Variants in PKP4 observed in about 807,000 individuals in gnomAD.
PKP4 encodes the protein plakophilin 4, also known as plakophilin-4.
PKP4 carries 90 observed loss-of-function variants against 145.1 expected under a neutral mutation model. That is an observed-to-expected ratio of 0.62 (90% confidence interval 0.52 to 0.74). The LOEUF is 0.74. Among genes scored for constraint, PKP4 ranks in the 30% least tolerant of loss-of-function variants. PKP4 has a pLI of 0.00. For missense variants in PKP4, 1,340 were observed against 1,482.7 expected (o/e 0.90, Z 1.58); for synonymous variants, 563 against 577.2 (o/e 0.98, Z 0.35).
At chr2:158,555,079 T>C (rs1418018388) in intron 2 of PKP4, among the ~76,000 whole-genome samples, 2 of 152,230 alleles carry the variant, frequency 1.3e-5, no homozygotes, top group East Asian at 1.9e-4. Context: ...TGAAATGATA[T>C]TTTCTAATTG....
intron 1 of PKP4, among the ~76,000 whole-genome samples, chr2:158,528,205 T>C (rs376876070): frequency 2.9e-5 from 4 of 139,888 alleles, no homozygotes; most frequent in South Asian, 2.3e-4. Flanking sequence ...TATTGCGGCA[T>C]TATTCACAAT....
chr2:158,517,903 G>A (rs1415253521), intron 1 of PKP4, among the ~76,000 whole-genome samples: 4 of 151,544 alleles, frequency 2.6e-5, no homozygotes, highest in Non-Finnish European at 4.4e-5. Context: ...GTGACAGAGC[G>A]AGACCCTGTC....
chr2:158,510,924 T>G (rs2041450709), intron 1 of PKP4, among the ~76,000 whole-genome samples: 1 of 152,244 alleles, frequency 6.6e-6, no homozygotes. Context: ...TCTCTACCAC[T>G]GCATCTGCTC....
intron 1 of PKP4, among the ~76,000 whole-genome samples, chr2:158,521,131 T>A (rs997128202): frequency 6.6e-6 from 1 of 152,214 alleles, no homozygotes; most frequent in Non-Finnish European, 1.5e-5. Flanking sequence ...AGTGTACATG[T>A]CATCAGCTGC....
intron 1 of PKP4, among the ~76,000 whole-genome samples, chr2:158,519,219 C>T (rs189233824): frequency 9.2e-5 from 14 of 151,756 alleles, no homozygotes; most frequent in Admixed American, 9.2e-4. Context: ...TTTAAAAATT[C>T]ATTTTGCTAT....
chr2:158,568,538 T>C (rs2047180564), intron 2 of PKP4, among the ~76,000 whole-genome samples: 1 of 152,142 alleles, frequency 6.6e-6, no homozygotes, highest in African/African-American at 2.4e-5. Flanking sequence ...CATTTAGGTG[T>C]AGCTACATAG....
chr2:158,467,680 T>TA (rs1690849206), intron 1 of PKP4, among the ~76,000 whole-genome samples: 1 of 151,810 alleles, frequency 6.6e-6, no homozygotes, highest in Non-Finnish European at 1.5e-5. Context: ...ACGCTGTCTC[T>TA]AAAAAAAATT....
At chr2:158,620,461 G>A (rs1306311960) in intron 4 of PKP4, among the ~76,000 whole-genome samples, 1 of 152,142 alleles carries the variant, frequency 6.6e-6, no homozygotes, top group Non-Finnish European at 1.5e-5. Context: ...AAAATAAGCA[G>A]GTGAACAAGA....
At chr2:158,497,971 A>T (rs888764868) in intron 1 of PKP4, among the ~76,000 whole-genome samples, 1 of 152,166 alleles carries the variant, frequency 6.6e-6, no homozygotes, top group Non-Finnish European at 1.5e-5. Flanking sequence ...TTTCGTAAGT[A>T]TGAGCTTAGA....
intron 1 of PKP4, among the ~76,000 whole-genome samples, chr2:158,532,453 A>G (rs1394016537): frequency 6.6e-6 from 1 of 152,254 alleles, no homozygotes; most frequent in African/African-American, 2.4e-5. Context: ...TGTACTCACT[A>G]GAAGACAGAG....
At chr2:158,564,713 T>C (rs968351556) in intron 2 of PKP4, among the ~76,000 whole-genome samples, 1 of 152,192 alleles carries the variant, frequency 6.6e-6, no homozygotes, top group African/African-American at 2.4e-5. Flanking sequence ...CTCATTGTTA[T>C]TTGATTTTCT....
intron 9 of PKP4, among the ~76,000 whole-genome samples, chr2:158,635,802 G>C (rs1323445190): frequency 3.3e-5 from 5 of 152,116 alleles, no homozygotes; most frequent in Non-Finnish European, 7.4e-5. Flanking sequence ...TGATTATTTG[G>C]TAGGTGCATT....
intron 3 of PKP4, among the ~76,000 whole-genome samples, chr2:158,592,898 G>A (rs576453457): frequency 1.3e-5 from 2 of 152,204 alleles, no homozygotes; most frequent in Admixed American, 6.5e-5. Context: ...GTATCCCAGC[G>A]TGTCTCTTAC....
chr2:158,466,578 G>T (rs1027981912), intron 1 of PKP4, among the ~76,000 whole-genome samples: 2 of 151,776 alleles, frequency 1.3e-5, no homozygotes, highest in African/African-American at 2.4e-5. Context: ...GGTGGCGGGC[G>T]CCTGTAGTCC....
chr2:158,482,827 C>CA (rs76335299), intron 1 of PKP4, among the ~76,000 whole-genome samples: 1,232 of 118,026 alleles, frequency 0.01, 11 homozygotes, highest in African/African-American at 0.032. Flanking sequence ...GACCTTGCTT[C>CA]AAAAAAAAAA....
chr2:158,607,479 A>G (rs2050752146), intron 4 of PKP4, among the ~76,000 whole-genome samples: 1 of 152,126 alleles, frequency 6.6e-6, no homozygotes, highest in Non-Finnish European at 1.5e-5. Flanking sequence ...CCAAGAGATA[A>G]TGATACCAGA....
At chr2:158,588,257 G>T (rs1032272210) in intron 3 of PKP4, 17 of 152,060 alleles carry the variant, frequency 1.1e-4, no homozygotes, top group African/African-American at 3.9e-4. Flanking sequence ...TTCTGAAGTA[G>T]CTCAACAGTT....
intron 4 of PKP4, among the ~76,000 whole-genome samples, chr2:158,616,840 CAT>C (rs1448790208): frequency 2.0e-5 from 3 of 152,168 alleles, no homozygotes; most frequent in Non-Finnish European, 2.9e-5. Context: ...TACAGCAAGA[CAT>C]AGACTAACAA....
chr2:158,642,747 C>G, intron 11 of PKP4, 48 bp downstream of exon 11: 1 of 1,408,404 alleles, frequency 7.1e-7, no homozygotes, highest in Non-Finnish European at 9.8e-7. Context: ...TGAAAACAGT[C>G]TGGACTGTGC....
Sources: gnomAD v4.1 joint callset for allele counts (sites outside exome capture counted in the v4.1 genomes callset) on GRCh38, gnomAD v4.1.1 for gene constraint, MANE v1.5 for transcripts, NCBI Gene and HGNC (gene_info 2026-07-23, HGNC 2026-07-21) for gene names.